Variants in RSF1 observed in about 807,000 individuals in gnomAD.
RSF1 encodes the protein remodeling and spacing factor 1.
In RSF1, 13 loss-of-function variants were observed where a neutral mutation model predicts 145.2. The observed-to-expected ratio is 0.09, with a 90% CI of 0.06 to 0.14. RSF1 has a LOEUF of 0.14. Among genes scored for constraint, RSF1 ranks in the 10% least tolerant of loss-of-function variants. The probability of loss-of-function intolerance (pLI) is 1.00; values close to 1 mark genes in which losing one functional copy is unlikely to be tolerated. For synonymous variants in RSF1, 577 were observed against 592.6 expected (o/e 0.97, Z 0.38); for missense variants, 1,517 against 1,718.2 (o/e 0.88, Z 2.07).
chr11:77,683,774 T>G lies in RSF1; in HGVS notation c.3001A>C (p.Lys1001Gln), dbSNP rs374391235. ...EDQEEKKKDS[K>Q]KSKANLLERR... is the part of the protein sequence containing the mutation. ...TCAAGCAAGTTTGCTTTGGATTTTT[T>G]TGAATCTTTTTTCTTTTCTTCTTGA... The change falls in exon 11 of 16, where the codon AAA becomes CAA. Residue 1001 changes from lysine to glutamine, a missense_variant. Lys to Gln is a moderately conservative substitution (Grantham distance 53, BLOSUM62 1). This residue lies in a region of RSF1 where 231 missense variants were observed against 276.6 expected (regional missense o/e 0.84). Coordinates refer to ENST00000308488, the MANE Select transcript of RSF1 (RefSeq NM_016578.4). 4 of 1,613,110 alleles carry G rather than the reference T, an allele frequency of 2.5e-6. No homozygotes were observed. The highest frequency in any genetic ancestry group is 3.4e-6 in the Non-Finnish European group (4 of 1,179,926).
In RSF1 at chr11:77,801,377, G is replaced by A. The variant is rs114803587; in HGVS notation, c.187+19151C>T. Reference sequence around the variant, plus strand: ...CAGGAGGCGGAGGCTGCAATAAGCTGAGAGCTTGCCACTGCACTCCAGCCT... The same window carrying A: ...CAGGAGGCGGAGGCTGCAATAAGCTAAGAGCTTGCCACTGCACTCCAGCCT... On this transcript the variant is annotated intron_variant, in intron 1 of 15. Transcript: ENST00000308488. 4.4e-3 allele frequency among the ~76,000 whole-genome samples: 665 copies of A among 151,964 alleles called. 4 individuals carry two copies. Among genetic ancestry groups the A allele is most frequent in the African/African-American group, 0.015 (630 of 41,442 alleles).
At chr11:77,715,272 T>C (rs918453616) in intron 5 of RSF1, among the ~76,000 whole-genome samples, 2 of 152,174 alleles carry the variant, frequency 1.3e-5, no homozygotes, top group African/African-American at 4.8e-5. Flanking sequence ...ATGTATTTCC[T>C]GTCAATTTTT....
At chr11:77,705,559 G>C (rs1960528041) in intron 5 of RSF1, among the ~76,000 whole-genome samples, 1 of 152,184 alleles carries the variant, frequency 6.6e-6, no homozygotes, top group Non-Finnish European at 1.5e-5. Context: ...TTTACAAACA[G>C]AACTTATTTT....
chr11:77,814,656 G>C (rs1948765116), intron 1 of RSF1, among the ~76,000 whole-genome samples: 1 of 152,156 alleles, frequency 6.6e-6, no homozygotes, highest in Admixed American at 6.5e-5. Flanking sequence ...ATGTTCGCCA[G>C]GCTGGTCTCA....
chr11:77,739,695 C>T (rs1318007202), intron 4 of RSF1: 2 of 152,020 alleles, frequency 1.3e-5, no homozygotes, highest in African/African-American at 4.8e-5. Flanking sequence ...CATAAGCTAG[C>T]GGTTAGATAG....
chr11:77,754,041 A>T (rs764840625), intron 2 of RSF1, among the ~76,000 whole-genome samples: 2 of 152,224 alleles, frequency 1.3e-5, no homozygotes, highest in African/African-American at 2.4e-5. Context: ...AATAATAATT[A>T]TGACTCTGGT....
At chr11:77,839,760 G>A in the RSF1 span, among the ~76,000 whole-genome samples, 1 of 152,054 alleles carries the variant, frequency 6.6e-6, no homozygotes, top group East Asian at 1.9e-4. Context: ...ATAAGTGGGT[G>A]CTGAACAATG....
chr11:77,840,659 T>G, the RSF1 span, among the ~76,000 whole-genome samples: 1 of 152,210 alleles, frequency 6.6e-6, no homozygotes, highest in Non-Finnish European at 1.5e-5. Flanking sequence ...AATTCCCACC[T>G]TGGCCTCCCA....
chr11:77,696,672 A>C (rs1311126638), intron 7 of RSF1, among the ~76,000 whole-genome samples: 3 of 152,226 alleles, frequency 2.0e-5, no homozygotes, highest in Non-Finnish European at 4.4e-5. Flanking sequence ...TAAGGAGAGA[A>C]CACAAGTGAT....
chr11:77,850,349 A>C, the RSF1 span, among the ~76,000 whole-genome samples: 1 of 152,190 alleles, frequency 6.6e-6, no homozygotes, highest in South Asian at 2.1e-4. Context: ...ATAACTAATA[A>C]TTTTTGGAAC....
At chr11:77,858,011 C>G in the RSF1 span, among the ~76,000 whole-genome samples, 2 of 151,960 alleles carry the variant, frequency 1.3e-5, no homozygotes, top group Non-Finnish European at 2.9e-5. Context: ...AGGTTTTAAG[C>G]CCCACATGCA....
chr11:77,820,189 G>T (rs1047793700), intron 1 of RSF1, among the ~76,000 whole-genome samples: 1 of 152,168 alleles, frequency 6.6e-6, no homozygotes, highest in African/African-American at 2.4e-5. Context: ...CGCCAAGGGG[G>T]AGACGGGGTG....
chr11:77,805,541 ATTAAAG>A (rs1948669257), intron 1 of RSF1, among the ~76,000 whole-genome samples: 1 of 152,228 alleles, frequency 6.6e-6, no homozygotes, highest in African/African-American at 2.4e-5. Context: ...AAGATAGTTA[ATTAAAG>A]TTAATTTTAA....
intron 2 of RSF1, among the ~76,000 whole-genome samples, 167 bp from the exon 3 acceptor site, chr11:77,747,295 A>C (rs1948012056): frequency 6.6e-6 from 1 of 152,218 alleles, no homozygotes; most frequent in South Asian, 2.1e-4. Context: ...AAAATGATAA[A>C]AAATATTTAC....
At chr11:77,752,509 T>C (rs1948073843) in intron 2 of RSF1, among the ~76,000 whole-genome samples, 1 of 152,294 alleles carries the variant, frequency 6.6e-6, no homozygotes, top group African/African-American at 2.4e-5. Context: ...AATTCATCTA[T>C]AAAACCCCTT....
At chr11:77,755,017 G>A (rs1948101629) in intron 2 of RSF1, among the ~76,000 whole-genome samples, 1 of 152,130 alleles carries the variant, frequency 6.6e-6, no homozygotes, top group African/African-American at 2.4e-5. Flanking sequence ...GGAGGAAAGT[G>A]GCAAAAGATA....
In RSF1 at chr11:77,692,233, ATTTTTTTTTTTT is replaced by A. The variant is rs71046904; in HGVS notation, c.2821-1007_2821-996del. Among the ~76,000 whole-genome samples, 7 of 49,472 alleles carry A rather than the reference ATTTTTTTTTTTT, an allele frequency of 1.4e-4. 2 individuals are homozygous for A. Among genetic ancestry groups the A allele is most frequent in the East Asian group, 6.4e-4 (1 of 1,572 alleles). 32.5% of individuals were successfully genotyped at this position (49,472 alleles called of 152,430 possible). ...AAAAAATAATTATTACTACTTTTAA[ATTTTTTTTTTTT>A]TTTTTTTTTTTTTTTTTGAGACGGA... On this transcript the variant is annotated intron_variant, in intron 8 of 15. Coordinates refer to ENST00000308488, the MANE Select transcript of RSF1 (RefSeq NM_016578.4).
the RSF1 span, among the ~76,000 whole-genome samples, chr11:77,864,235 C>T: frequency 6.6e-5 from 10 of 151,846 alleles, no homozygotes; most frequent in African/African-American, 2.4e-4. Context: ...CCAAGATGAT[C>T]CCTTTAATAT....
intron 5 of RSF1, among the ~76,000 whole-genome samples, chr11:77,715,895 C>A (rs957972113): frequency 1.3e-5 from 2 of 152,304 alleles, no homozygotes; most frequent in East Asian, 3.9e-4. Context: ...TCAGCCTCCC[C>A]AGTAGCTGGG....
Sources: gnomAD v4.1 joint callset for allele counts (sites outside exome capture counted in the v4.1 genomes callset) on GRCh38, gnomAD v4.1.1 for gene constraint, gnomAD v4.1.1 regional missense constraint, MANE v1.5 for transcripts, NCBI Gene and HGNC (gene_info 2026-07-23, HGNC 2026-07-21) for gene names.